Variants in CCSER1 observed in about 807,000 individuals in gnomAD.
CCSER1 encodes the protein serine-rich coiled-coil domain-containing protein 1.
In CCSER1, 41 loss-of-function variants were observed where a neutral mutation model predicts 82.0. That is an observed-to-expected ratio of 0.50 (90% CI 0.39 to 0.65). The LOEUF (loss-of-function observed/expected upper bound fraction) is 0.65, where lower values mean the gene tolerates loss of function less well. Ranked by LOEUF, CCSER1 falls within the 30% of genes least tolerant of loss-of-function variation. The pLI, the probability that CCSER1 is intolerant of heterozygous loss-of-function variation, is 0.00. For missense variants in CCSER1, 1,119 were observed against 1,064.2 expected (o/e 1.05, Z -0.72); for synonymous variants, 414 against 383.9 (o/e 1.08, Z -0.92).
At chr4:91,514,710 G>T (rs549510385) in intron 10 of CCSER1, among the ~76,000 whole-genome samples, 2 of 152,156 alleles carry the variant, frequency 1.3e-5, no homozygotes, top group African/African-American at 4.8e-5. Flanking sequence ...AGCAAGCTAG[G>T]CACCATGGAG....
intron 1 of CCSER1, among the ~76,000 whole-genome samples, chr4:90,182,229 T>G (rs2153386412): frequency 6.6e-6 from 1 of 152,302 alleles, no homozygotes; most frequent in African/African-American, 2.4e-5. Flanking sequence ...ATATGACTTC[T>G]TATACTTTGG....
intron 5 of CCSER1, among the ~76,000 whole-genome samples, chr4:90,604,966 G>A (rs181431931): frequency 6.6e-6 from 1 of 151,934 alleles, no homozygotes; most frequent in Non-Finnish European, 1.5e-5. Flanking sequence ...AATAAAAGCA[G>A]GCTGCCCCAG....
At chr4:90,501,733 C>T (rs1272376520) in intron 5 of CCSER1, among the ~76,000 whole-genome samples, 1 of 152,042 alleles carries the variant, frequency 6.6e-6, no homozygotes, top group African/African-American at 2.4e-5. Context: ...TTTAAAGTCG[C>T]CTAGCAGATG....
chr4:90,361,068 A>T (rs1055969832), intron 3 of CCSER1, among the ~76,000 whole-genome samples: 1 of 152,220 alleles, frequency 6.6e-6, no homozygotes, highest in East Asian at 1.9e-4. Context: ...TTATCTAAAC[A>T]TACTTTGAGT....
At chr4:90,429,140 A>G (rs10024590) in intron 4 of CCSER1, among the ~76,000 whole-genome samples, 2,687 of 151,928 alleles carry the variant, frequency 0.018, 34 homozygotes, top group African/African-American at 0.038. Context: ...TGTAAATTCA[A>G]AGTAGTTTTA....
At chr4:91,185,490 G>C (rs994212679) in intron 10 of CCSER1, among the ~76,000 whole-genome samples, 1 of 152,176 alleles carries the variant, frequency 6.6e-6, no homozygotes, top group African/African-American at 2.4e-5. Flanking sequence ...CAGGCAGAAG[G>C]CTCACAGCTT....
chr4:91,101,052 A>C (rs1428959708), intron 10 of CCSER1, among the ~76,000 whole-genome samples: 1 of 152,236 alleles, frequency 6.6e-6, no homozygotes, highest in Non-Finnish European at 1.5e-5. Context: ...GAGAGAAAGG[A>C]AGGGAAACAA....
At chr4:90,410,858 C>G (rs1251162412) in intron 4 of CCSER1, among the ~76,000 whole-genome samples, 2 of 152,094 alleles carry the variant, frequency 1.3e-5, no homozygotes, top group Admixed American at 1.3e-4. Flanking sequence ...AAAGGATCAA[C>G]AAAATTGATA....
At chr4:91,036,616 T>A (rs903983010) in intron 9 of CCSER1, among the ~76,000 whole-genome samples, 1 of 151,998 alleles carries the variant, frequency 6.6e-6, no homozygotes, top group Admixed American at 6.6e-5. Flanking sequence ...TCCCAAACTG[T>A]GAAAGGTAAA....
rs552952047 is a variant in CCSER1 at position 91,495,354 on chromosome 4, C to G, written c.2218-103218C>G. Among the ~76,000 whole-genome samples the G allele has an allele frequency of 1.3e-4, 19 of 151,394 alleles. 1 individual carries two copies. The East Asian group carries it at 3.3e-3, about 26-fold the overall frequency. ...AACCATTATTCTAAAAGAATTATCT[C>G]TGTTTTGGTTCAGATATTGCTTCTT... On this transcript the variant is annotated intron_variant, in intron 10 of 10. Transcript: ENST00000509176.
chr4:91,071,003 ATAAAT>A (rs1247721363), intron 9 of CCSER1, among the ~76,000 whole-genome samples: 2 of 152,208 alleles, frequency 1.3e-5, no homozygotes, highest in East Asian at 1.9e-4. Context: ...ATAAGAATAA[ATAAAT>A]TAATATGATC....
chr4:91,492,395 T>G (rs1374016240), intron 10 of CCSER1, among the ~76,000 whole-genome samples: 1 of 152,206 alleles, frequency 6.6e-6, no homozygotes, highest in East Asian at 1.9e-4. Flanking sequence ...AAAACTACAA[T>G]TGTATAAAGT....
At chr4:90,426,104 T>A (rs2153563734) in intron 4 of CCSER1, among the ~76,000 whole-genome samples, 1 of 152,224 alleles carries the variant, frequency 6.6e-6, no homozygotes, top group East Asian at 1.9e-4. Context: ...CGATACATGG[T>A]AGGACTTCAC....
intron 8 of CCSER1, among the ~76,000 whole-genome samples, chr4:90,915,337 C>A (rs547062748): frequency 2.2e-4 from 34 of 152,224 alleles, no homozygotes; most frequent in African/African-American, 7.9e-4. Context: ...AGGCTTCATC[C>A]CTGGGATGTG....
chr4:90,483,873 G>A (rs1039637437), intron 5 of CCSER1, among the ~76,000 whole-genome samples: 5 of 152,250 alleles, frequency 3.3e-5, no homozygotes, highest in Admixed American at 2.0e-4. Flanking sequence ...TTCTTGTGGA[G>A]TATCTTTGTG....
chr4:90,822,416 A>G (rs539695703), intron 8 of CCSER1, among the ~76,000 whole-genome samples: 1 of 152,038 alleles, frequency 6.6e-6, no homozygotes, highest in South Asian at 2.1e-4. Context: ...ACAGCTTTCT[A>G]TGTCTATTTC....
chr4:90,731,879 G>A (rs567641615), intron 7 of CCSER1, among the ~76,000 whole-genome samples: 2 of 152,126 alleles, frequency 1.3e-5, no homozygotes, highest in East Asian at 3.9e-4. Context: ...ACTCATCTGG[G>A]CAGTTCTTGT....
At chr4:91,280,983 G>A (rs1742870690) in intron 10 of CCSER1, among the ~76,000 whole-genome samples, 1 of 152,140 alleles carries the variant, frequency 6.6e-6, no homozygotes, top group Non-Finnish European at 1.5e-5. Context: ...CCTCTATGAA[G>A]CAATGTCATT....
chr4:90,319,019 G>A (rs532761670), intron 3 of CCSER1, among the ~76,000 whole-genome samples: 1 of 152,150 alleles, frequency 6.6e-6, no homozygotes, highest in Non-Finnish European at 1.5e-5. Context: ...AAGTTAAGAA[G>A]AGTTAAAATG....
Sources: allele counts gnomAD v4.1 joint callset (sites outside exome capture counted in the v4.1 genomes callset), GRCh38; gene constraint gnomAD v4.1.1; transcripts MANE v1.5; gene names NCBI Gene and HGNC (gene_info 2026-07-23, HGNC 2026-07-21).